Variants in SLC35F1 observed in about 807,000 individuals in gnomAD.
SLC35F1 encodes chromosome 6 open reading frame 169.
A neutral mutation model predicts 48.7 loss-of-function variants in SLC35F1; 14 were observed. The observed-to-expected ratio is 0.29, with a 90% CI of 0.19 to 0.45. The LOEUF (loss-of-function observed/expected upper bound fraction) is 0.45, where lower values mean the gene tolerates loss of function less well. Among genes scored for constraint, SLC35F1 ranks in the 20% least tolerant of loss-of-function variants. The pLI, the probability that SLC35F1 is intolerant of heterozygous loss-of-function variation, is 1.00. For synonymous variants in SLC35F1, 190 were observed against 202.2 expected (o/e 0.94, Z 0.51); for missense variants, 404 against 500.0 (o/e 0.81, Z 1.83).
chr6:118,158,975 CTT>C (rs1339503881), intron 2 of SLC35F1, among the ~76,000 whole-genome samples: 3 of 151,758 alleles, frequency 2.0e-5, no homozygotes, highest in Admixed American at 1.3e-4. Context: ...AATCCCAGCA[CTT>C]TGGGAGGCCA....
intron 1 of SLC35F1, among the ~76,000 whole-genome samples, chr6:118,066,621 G>A (rs1047269028): frequency 2.0e-5 from 3 of 152,050 alleles, no homozygotes; most frequent in African/African-American, 4.8e-5. Context: ...GATAATAAAT[G>A]TGTGTTGTTT....
intron 1 of SLC35F1, among the ~76,000 whole-genome samples, chr6:118,057,740 C>G (rs1324221664): frequency 6.6e-6 from 1 of 151,942 alleles, no homozygotes; most frequent in Non-Finnish European, 1.5e-5. Context: ...TTTTTTGTCT[C>G]CAGTATATCC....
At chr6:118,298,040 T>C (rs368447538) in intron 7 of SLC35F1, among the ~76,000 whole-genome samples, 3 of 152,028 alleles carry the variant, frequency 2.0e-5, no homozygotes, top group South Asian at 4.1e-4. Context: ...CCCTCTCTCA[T>C]CATGTGACAT....
At chr6:118,280,016 A>C (rs1775962824) in intron 6 of SLC35F1, among the ~76,000 whole-genome samples, 1 of 152,162 alleles carries the variant, frequency 6.6e-6, no homozygotes, top group African/African-American at 2.4e-5. Flanking sequence ...CTATTTTCTT[A>C]ACCCGAAGCA....
At chr6:118,166,692 T>G (rs376115479) in intron 2 of SLC35F1, among the ~76,000 whole-genome samples, 1 of 152,184 alleles carries the variant, frequency 6.6e-6, no homozygotes, top group East Asian at 1.9e-4. Context: ...CTGTTAAAAA[T>G]TGTAAGTTAT....
intron 1 of SLC35F1, among the ~76,000 whole-genome samples, chr6:118,020,357 C>T (rs753303834): frequency 2.0e-5 from 3 of 152,182 alleles, no homozygotes; most frequent in Non-Finnish European, 4.4e-5. Flanking sequence ...TAAAGCTGAA[C>T]ACCGATCACA....
intron 3 of SLC35F1, among the ~76,000 whole-genome samples, chr6:118,250,042 A>C (rs1160701867): frequency 6.6e-6 from 1 of 152,210 alleles, no homozygotes; most frequent in Non-Finnish European, 1.5e-5. Flanking sequence ...AGAGTAATAG[A>C]AATTATTCAT....
chr6:118,210,031 A>G (rs1228600337), intron 2 of SLC35F1, among the ~76,000 whole-genome samples: 1 of 152,220 alleles, frequency 6.6e-6, no homozygotes, highest in Non-Finnish European at 1.5e-5. Flanking sequence ...TTTATAATTC[A>G]GTGGAAACAA....
intron 1 of SLC35F1, among the ~76,000 whole-genome samples, chr6:117,988,189 C>T (rs1776872771): frequency 6.6e-6 from 1 of 152,186 alleles, no homozygotes. Flanking sequence ...AGGTGCCCAA[C>T]CATATTTATT....
chr6:118,122,086 T>C (rs1773559911), intron 1 of SLC35F1, among the ~76,000 whole-genome samples: 1 of 152,132 alleles, frequency 6.6e-6, no homozygotes, highest in Non-Finnish European at 1.5e-5. Context: ...TAGAGTGCAA[T>C]TAAAGGGCTG....
intron 1 of SLC35F1, among the ~76,000 whole-genome samples, chr6:118,112,451 C>T (rs1304773636): frequency 2.0e-5 from 3 of 152,122 alleles, no homozygotes; most frequent in East Asian, 1.9e-4. Flanking sequence ...CTCTTACTCT[C>T]GGGAATGCCC....
chr6:118,107,321 C>G (rs1195964343), intron 1 of SLC35F1, among the ~76,000 whole-genome samples: 3 of 152,194 alleles, frequency 2.0e-5, no homozygotes, highest in Non-Finnish European at 4.4e-5. Context: ...GCCTCATTTT[C>G]TCTTCTGAAA....
chr6:118,224,996 T>C (rs1339271214), intron 2 of SLC35F1, among the ~76,000 whole-genome samples: 1 of 151,940 alleles, frequency 6.6e-6, no homozygotes, highest in Non-Finnish European at 1.5e-5. Flanking sequence ...CAAGGAAAAA[T>C]ATAAAATACT....
intron 1 of SLC35F1, among the ~76,000 whole-genome samples, chr6:118,121,894 T>C (rs1451413709): frequency 6.6e-6 from 1 of 152,090 alleles, no homozygotes; most frequent in Non-Finnish European, 1.5e-5. Context: ...CAGTTGGGGA[T>C]TTCAGAATGA....
At chr6:118,020,690 G>T (rs137897554) in intron 1 of SLC35F1, among the ~76,000 whole-genome samples, 6 of 152,294 alleles carry the variant, frequency 3.9e-5, no homozygotes, top group Admixed American at 3.9e-4. Flanking sequence ...CATTCATCTG[G>T]CTTCAAATAA....
chr6:118,142,853 G>GA (rs1773911233), intron 1 of SLC35F1, among the ~76,000 whole-genome samples: 1 of 152,098 alleles, frequency 6.6e-6, no homozygotes. Context: ...GAATGATGAA[G>GA]AAAAATGTCA....
At chr6:118,066,838 T>C (rs1216634839) in intron 1 of SLC35F1, among the ~76,000 whole-genome samples, 4 of 149,622 alleles carry the variant, frequency 2.7e-5, no homozygotes, top group Non-Finnish European at 4.4e-5. Flanking sequence ...GTTCTTAAAA[T>C]TTGGTAGCAT....
intron 2 of SLC35F1, among the ~76,000 whole-genome samples, chr6:118,185,498 G>A (rs1021749936): frequency 3.3e-5 from 5 of 152,030 alleles, no homozygotes; most frequent in African/African-American, 9.7e-5. Context: ...GAAATCAACA[G>A]GAAAACAAAA....
intron 2 of SLC35F1, among the ~76,000 whole-genome samples, chr6:118,163,084 C>T (rs922599550): frequency 1.3e-5 from 2 of 151,836 alleles, no homozygotes; most frequent in Non-Finnish European, 2.9e-5. Context: ...GCCTCAGCCT[C>T]CTGAGTACCC....
Sources: allele counts gnomAD v4.1 joint callset (sites outside exome capture counted in the v4.1 genomes callset), GRCh38; gene constraint gnomAD v4.1.1; transcripts MANE v1.5; gene names NCBI Gene and HGNC (gene_info 2026-07-23, HGNC 2026-07-21).